The following MGAT5B variants were observed in gnomAD, a reference collection of about 807,000 sequenced individuals.
The protein encoded by MGAT5B is alpha-1,6-mannosylglycoprotein 6-beta-N-acetylglucosaminyltransferase B, also known as N-acetylglucosaminyl-transferase Vb.
Under a neutral mutation model 95.1 loss-of-function variants are expected in MGAT5B, and 54 were observed. The observed-to-expected ratio is 0.57, with a 90% CI of 0.46 to 0.71. The LOEUF (loss-of-function observed/expected upper bound fraction) is 0.71. Among genes scored for constraint, MGAT5B ranks in the 30% least tolerant of loss-of-function variants. The probability of loss-of-function intolerance (pLI) is 0.00; values close to 1 mark genes in which losing one functional copy is unlikely to be tolerated. For synonymous variants in MGAT5B, 464 were observed against 451.0 expected (o/e 1.03, Z -0.36); for missense variants, 935 against 1,088.6 (o/e 0.86, Z 1.99).
At chr17:76,901,243 G>A (rs1470988375) in intron 3 of MGAT5B, among the ~76,000 whole-genome samples, 1 of 152,118 alleles carries the variant, frequency 6.6e-6, no homozygotes, top group Non-Finnish European at 1.5e-5. Flanking sequence ...GGTGGGGTTT[G>A]CAGACCCGAA....
At position 76,912,613 on chromosome 17, in the gene MGAT5B, C is replaced by T. The variant is rs541354657; in HGVS notation, c.1025+6426C>T. On this transcript the variant is annotated intron_variant, in intron 8 of 17. Coordinates refer to ENST00000569840, the MANE Select transcript of MGAT5B (RefSeq NM_001199172.2). The surrounding 1 kb of genome is among the most constrained non-coding windows in gnomAD (Gnocchi z 5.0). ...CAAGGCTGGACGGATGAGCCGGTCC[C>T]GCTCTGCTCCTCGGGTCTCGGTGTT... 1.5e-4 allele frequency among the ~76,000 whole-genome samples: 23 copies of T among 152,120 alleles called. No individual in the cohort carries two copies. Among genetic ancestry groups the T allele is most frequent in the Non-Finnish European group, 2.8e-4 (19 of 67,978 alleles).
rs1598876175 is a variant in MGAT5B, at chr17:76,868,924, G to T, written c.-106G>T. The T allele has an allele frequency of 3.7e-6, 4 of 1,079,764 alleles. No individual in the cohort carries two copies. The highest frequency in any genetic ancestry group is 5.4e-6 in the Non-Finnish European group (4 of 744,628). 66.9% of individuals were successfully genotyped at this position (1,079,764 alleles called of 1,614,324 possible). ...CGCGCGCTCCCAGCTTCGCTCGGACGCGGCTTCGGCCCGCAGAGGGTTCGT... is the reference window on the plus strand; with the variant it reads ...CGCGCGCTCCCAGCTTCGCTCGGACTCGGCTTCGGCCCGCAGAGGGTTCGT... On this transcript the variant is annotated 5_prime_UTR_variant, in exon 1 of 18. Coordinates refer to ENST00000569840, the MANE Select transcript of MGAT5B (RefSeq NM_001199172.2). The surrounding 1 kb of genome is among the most constrained non-coding windows in gnomAD (Gnocchi z 6.3).
chr17:76,931,259 G>GT (rs1257370749), intron 10 of MGAT5B, among the ~76,000 whole-genome samples: 2 of 152,062 alleles, frequency 1.3e-5, no homozygotes. Context: ...ACCACACCCG[G>GT]TTAATGTTTG....
chr17:76,889,877 G>A lies in MGAT5B; in HGVS notation c.329+7579G>A, dbSNP rs537871157. Reference sequence around the variant, plus strand: ...CCAAGTTCCCAGTGCAGTCCCTGCCGGGCTGGGAGGGAGGTGGGACCCTTC... The same window carrying A: ...CCAAGTTCCCAGTGCAGTCCCTGCCAGGCTGGGAGGGAGGTGGGACCCTTC... On this transcript the variant is annotated intron_variant, in intron 3 of 17. Coordinates refer to ENST00000569840, the MANE Select transcript of MGAT5B (RefSeq NM_001199172.2). The surrounding 1 kb of genome is among the most constrained non-coding windows in gnomAD (Gnocchi z 4.4). 4.7e-4 allele frequency among the ~76,000 whole-genome samples: 72 copies of A among 152,312 alleles called. No homozygotes were observed. The highest frequency in any genetic ancestry group is 1.5e-3 in the African/African-American group (63 of 41,558).
chr17:76,875,181 C>A (rs1396341701), intron 2 of MGAT5B, among the ~76,000 whole-genome samples: 1 of 152,138 alleles, frequency 6.6e-6, no homozygotes, highest in East Asian at 1.9e-4. Context: ...AGCATGGAAT[C>A]GTTTCAGGAG....
chr17:76,897,414 C>T (rs966946914), intron 3 of MGAT5B, among the ~76,000 whole-genome samples: 7 of 152,182 alleles, frequency 4.6e-5, no homozygotes, highest in African/African-American at 1.7e-4. Context: ...TTCCAAAGCT[C>T]GAGGGGAGAC....
chr17:76,938,404 G>A lies in MGAT5B; in HGVS notation c.1584+261G>A, dbSNP rs1172015369. ...CGTGGCTCAGTGATGGGGAAGTAGA[G>A]TTGGACTGCCCATCCTCCCCCTTGC... is the stretch of plus-strand genomic sequence containing the variant. On this transcript the variant is annotated intron_variant, in intron 13 of 17. Transcript: ENST00000569840. The surrounding 1 kb of genome is among the most constrained non-coding windows in gnomAD (Gnocchi z 4.3). Among the ~76,000 whole-genome samples the A allele has an allele frequency of 1.2e-4, 18 of 152,242 alleles. No individual in the cohort carries two copies. The highest frequency in any genetic ancestry group is 2.6e-4 in the Non-Finnish European group (18 of 68,038).
At chr17:76,887,838 T>G (rs929753054) in intron 3 of MGAT5B, among the ~76,000 whole-genome samples, 3 of 151,904 alleles carry the variant, frequency 2.0e-5, no homozygotes, top group African/African-American at 7.3e-5. Flanking sequence ...ATTGCAGGTG[T>G]TAGCCACCGT....
Position 76,940,875 on chromosome 17 carries a change from C to A in MGAT5B, c.1848+27C>A, listed in dbSNP as rs765804084. On this transcript the variant is annotated intron_variant, in intron 15 of 17. Coordinates refer to ENST00000569840, the MANE Select transcript of MGAT5B (RefSeq NM_001199172.2). The surrounding 1 kb of genome is among the most constrained non-coding windows in gnomAD (Gnocchi z 4.3). Reference sequence around the variant, plus strand: ...TGAGAGCAGCCACATACAGTTGAGACCCCCCACTAGTCCACACTGCTGGTC... The same window carrying A: ...TGAGAGCAGCCACATACAGTTGAGAACCCCCACTAGTCCACACTGCTGGTC... 49 of 1,550,182 alleles carry A rather than the reference C, an allele frequency of 3.2e-5. No individual in the cohort carries two copies. The highest frequency in any genetic ancestry group is 3.9e-5 in the Non-Finnish European group (44 of 1,122,474).
intron 3 of MGAT5B, among the ~76,000 whole-genome samples, chr17:76,883,196 C>T (rs1271251527): frequency 6.6e-6 from 1 of 151,506 alleles, no homozygotes; most frequent in Non-Finnish European, 1.5e-5. Context: ...GATGGGGTTT[C>T]ACCATGTTGG....
chr17:76,894,261 G>C (rs564776965), intron 3 of MGAT5B, among the ~76,000 whole-genome samples: 58 of 152,328 alleles, frequency 3.8e-4, no homozygotes, highest in African/African-American at 1.3e-3. Context: ...GGGCTAGGCT[G>C]CCTGGTTGGA....
chr17:76,936,852 G>T (rs56129846), intron 12 of MGAT5B, among the ~76,000 whole-genome samples: 79,669 of 152,018 alleles, frequency 0.52, 21,240 homozygotes, highest in African/African-American at 0.59. Context: ...AGCTTTATAA[G>T]AAGTCTTGAC....
Position 76,940,809 on chromosome 17 carries a change from G to A in MGAT5B, c.1809G>A (p.Glu603=). The A allele has an allele frequency of 6.2e-7, 1 of 1,614,150 alleles. No individual in the cohort carries two copies. The highest frequency in any genetic ancestry group is 8.5e-7 in the Non-Finnish European group (1 of 1,180,036). Residue 603 remains glutamate, a synonymous_variant, in exon 15 of 18, where the codon GAG becomes GAA. Transcript: ENST00000569840. The surrounding 1 kb of genome is among the most constrained non-coding windows in gnomAD (Gnocchi z 4.3). ...GGACAGTCGACTACAACAACTCAGA[G>A]GAGTTTGAAGCAGCCATCAAGGCCA... ...HVWTVDYNNS[E]EFEAAIKAIM...
chr17:76,948,680 C>T lies in MGAT5B; in HGVS notation c.2221C>T (p.His741Tyr), dbSNP rs141674467. Residue 741 changes from histidine (H) to tyrosine (Y), a missense_variant, in exon 18 of 18, where the codon CAC becomes TAC. Physicochemically the swap from His to Tyr is moderately conservative, Grantham distance 83. Around this residue, in one of 4 missense-constraint regions of MGAT5B, gnomAD observed 440 missense variants for 523.6 expected, o/e 0.84. Transcript: ENST00000569840. ...PCDSTESEMN[H>Y]LYPAFAQPGQ... ...TGACAGCACCGAGTCGGAGATGAAC[C>T]ACCTGTACCCGGCGTTCGCCCAGCC... is the stretch of plus-strand genomic sequence containing the variant. 6.2e-7 allele frequency: 1 copy of T among 1,613,298 alleles called. No individual in the cohort carries two copies. Among genetic ancestry groups the T allele is most frequent in the African/African-American group, 1.3e-5 (1 of 74,940 alleles).
chr17:76,905,743 GCC>G lies in MGAT5B; in HGVS notation c.856-273_856-272del, dbSNP rs1968501317. The stretch of plus-strand genomic sequence containing the variant: ...ACATTGCCCTTTTATTTCTTTCAGA[GCC>G]CTTATCATTTCATGAAATTATCTCT... On this transcript the variant is annotated intron_variant, in intron 7 of 17. Coordinates refer to ENST00000569840, the MANE Select transcript of MGAT5B (RefSeq NM_001199172.2). The surrounding 1 kb of genome is among the most constrained non-coding windows in gnomAD (Gnocchi z 4.2). Among the ~76,000 whole-genome samples, 1 of 148,882 alleles carries G rather than the reference GCC, an allele frequency of 6.7e-6. No individual in the cohort carries two copies. Among genetic ancestry groups the G allele is most frequent in the Admixed American group, 6.7e-5 (1 of 14,936 alleles).
At chr17:76,932,132 T>G (rs1456049347) in intron 10 of MGAT5B, among the ~76,000 whole-genome samples, 2 of 138,752 alleles carry the variant, frequency 1.4e-5, no homozygotes, top group African/African-American at 2.7e-5. Context: ...TGTCTTCTCC[T>G]TCTTTCTTCT....
In MGAT5B at chr17:76,940,387, C is replaced by T. The variant is rs1240980736; in HGVS notation, c.1585-15C>T. On this transcript the variant is annotated splice_polypyrimidine_tract_variant and intron_variant, in intron 13 of 17. Transcript: ENST00000569840. The surrounding 1 kb of genome is among the most constrained non-coding windows in gnomAD (Gnocchi z 4.3). ...GCCCAGCCCTCCCTGATCACTGCGC[C>T]CCTTGACTCTGCAGCTCTTCATCGG... 1.9e-6 allele frequency: 3 copies of T among 1,588,404 alleles called. No homozygotes were observed. The South Asian group carries it at 3.5e-5, about 18-fold the overall frequency.
intron 8 of MGAT5B, chr17:76,913,924 A>G (rs1968834802): frequency 2.6e-6 from 1 of 391,076 alleles, no homozygotes; most frequent in Non-Finnish European, 5.2e-6. Flanking sequence ...CAGCCTGGGC[A>G]AGATAGTGAG....
intron 3 of MGAT5B, among the ~76,000 whole-genome samples, chr17:76,895,628 T>A (rs60023767): frequency 0.38 from 57,532 of 151,866 alleles, 12,293 homozygotes; most frequent in East Asian, 0.59. Context: ...TCCTCTCTGT[T>A]TGTGAGTTTC....
Sources: allele counts gnomAD v4.1 joint callset (sites outside exome capture counted in the v4.1 genomes callset), GRCh38; gene constraint gnomAD v4.1.1; regional missense constraint gnomAD v4.1.1; non-coding constraint Gnocchi (gnomAD v3.1); transcripts MANE v1.5; gene names NCBI Gene and HGNC (gene_info 2026-07-23, HGNC 2026-07-21).